Variants in KLHL29 observed in about 807,000 individuals in gnomAD.
KLHL29 encodes the protein kelch like family member 29.
KLHL29 carries 21 observed loss-of-function variants against 80.4 expected under a neutral mutation model. The observed-to-expected ratio is 0.26, with a 90% CI of 0.19 to 0.38. The LOEUF (loss-of-function observed/expected upper bound fraction) is 0.38. KLHL29 is among the 10% of genes least tolerant of loss of function. KLHL29 has a pLI of 1.00. For missense variants in KLHL29, 867 were observed against 1,223.9 expected, an observed-to-expected ratio of 0.71 and a Z score of 4.35; for synonymous variants, 511 against 526.8, an observed-to-expected ratio of 0.97 and a Z score of 0.41.
chr2:23,402,940 A>C (rs927753803), intron 1 of KLHL29, among the ~76,000 whole-genome samples: 2 of 150,260 alleles, frequency 1.3e-5, no homozygotes, highest in Non-Finnish European at 3.0e-5. Context: ...ATCATATATA[A>C]TCTTATATGT....
rs114481624 is a variant in KLHL29 at position 23,682,224 on chromosome 2, C to A, written c.941-2175C>A. ...CTTCTCACCTCTCCCTCGGAAAGAC[C>A]GTCACCATCAGCAGCACTGCACACT... On this transcript the variant is annotated intron_variant, in intron 5 of 13. Transcript: ENST00000486442. The surrounding 1 kb of genome is among the most constrained non-coding windows in gnomAD (Gnocchi z 4.1). Among the ~76,000 whole-genome samples the A allele has an allele frequency of 6.6e-6, 1 of 152,172 alleles. No individual in the cohort carries two copies. Among genetic ancestry groups the A allele is most frequent in the East Asian group, 1.9e-4 (1 of 5,190 alleles).
chr2:23,506,963 T>C, intron 2 of KLHL29: 1 of 220,632 alleles, frequency 4.5e-6, no homozygotes, highest in East Asian at 1.4e-4. Flanking sequence ...AGAAGAATGC[T>C]GAACTTATGC....
intron 5 of KLHL29, chr2:23,668,717 G>A (rs1013977025): frequency 1.3e-5 from 2 of 152,222 alleles, no homozygotes; most frequent in African/African-American, 4.8e-5. Flanking sequence ...CCCAGAGCTT[G>A]GTTTGCAGAC....
At chr2:23,432,791 G>A (rs1305097477) in intron 1 of KLHL29, among the ~76,000 whole-genome samples, 1 of 152,242 alleles carries the variant, frequency 6.6e-6, no homozygotes, top group Non-Finnish European at 1.5e-5. Flanking sequence ...AGAGCAGAGG[G>A]AGTCGGGGGC....
intron 1 of KLHL29, among the ~76,000 whole-genome samples, chr2:23,437,729 T>C (rs62126856): frequency 6.6e-6 from 1 of 152,114 alleles, no homozygotes; most frequent in Non-Finnish European, 1.5e-5. Context: ...AGTATAGTTT[T>C]AAGTCAGGTA....
rs577986269 is a variant in KLHL29 at position 23,581,198 on chromosome 2, C to T, written c.285+18717C>T. Reference sequence around the variant, plus strand: ...GTTCTTCTGAGGAAGTCAGACACCCCTTGCACCGTGGCATGGCTTGAGTAC... The same window carrying T: ...GTTCTTCTGAGGAAGTCAGACACCCTTTGCACCGTGGCATGGCTTGAGTAC... On this transcript the variant is annotated intron_variant, in intron 3 of 13. Coordinates refer to ENST00000486442, the MANE Select transcript of KLHL29 (RefSeq NM_052920.2). Among the ~76,000 whole-genome samples the T allele has an allele frequency of 1.5e-3, 228 of 152,206 alleles. 1 individual carries two copies. The highest frequency in any genetic ancestry group is 5.1e-3 in the African/African-American group (212 of 41,528).
intron 1 of KLHL29, among the ~76,000 whole-genome samples, chr2:23,450,183 C>T (rs1294064159): frequency 1.3e-5 from 2 of 151,934 alleles, no homozygotes; most frequent in Non-Finnish European, 2.9e-5. Context: ...ACGGCAGCAC[C>T]GGCCTTGTTG....
chr2:23,536,427 C>T (rs80069234), intron 2 of KLHL29, among the ~76,000 whole-genome samples: 1,725 of 152,278 alleles, frequency 0.011, 35 homozygotes, highest in African/African-American at 0.038. Context: ...GGGTACTTGT[C>T]GCAGCAGGGG....
chr2:23,591,325 G>C (rs183377235), intron 3 of KLHL29, among the ~76,000 whole-genome samples: 1 of 152,274 alleles, frequency 6.6e-6, no homozygotes, highest in East Asian at 1.9e-4. Flanking sequence ...GACACAGTCC[G>C]CAGGCTCCTG....
chr2:23,637,568 A>T (rs1246755099), intron 3 of KLHL29, among the ~76,000 whole-genome samples: 1 of 152,228 alleles, frequency 6.6e-6, no homozygotes, highest in African/African-American at 2.4e-5. Context: ...GTGCAGCCTG[A>T]TGCAATTAGC....
chr2:23,612,610 T>C (rs6720634), intron 3 of KLHL29, among the ~76,000 whole-genome samples: 62,127 of 151,846 alleles, frequency 0.41, 12,916 homozygotes, highest in East Asian at 0.65. Flanking sequence ...GTCATGGTGG[T>C]GAACGCCTGT....
intron 3 of KLHL29, among the ~76,000 whole-genome samples, chr2:23,633,756 C>CGTGTGTGTGTGTGTGTGTGT (rs1181808728): frequency 2.0e-5 from 3 of 147,240 alleles, no homozygotes; most frequent in Admixed American, 6.7e-5. Flanking sequence ...TCACAGCACT[C>CGTGTGTGTGTGTGTGTGTGT]GTGTGTGTGT....
intron 1 of KLHL29, among the ~76,000 whole-genome samples, chr2:23,394,662 C>T (rs138233045): frequency 3.3e-5 from 5 of 152,332 alleles, no homozygotes; most frequent in African/African-American, 1.2e-4. Flanking sequence ...ATATGTTTAG[C>T]CACATTGCTC....
Position 23,576,999 on chromosome 2 carries a change from C to T in KLHL29, c.285+14518C>T, listed in dbSNP as rs192736694. Among the ~76,000 whole-genome samples, 1,159 of 152,344 alleles carry T rather than the reference C, an allele frequency of 7.6e-3. 9 individuals are homozygous for T. Among genetic ancestry groups the T allele is most frequent in the Middle Eastern group, 0.024 (7 of 294 alleles). On this transcript the variant is annotated intron_variant, in intron 3 of 13. Coordinates refer to ENST00000486442, the MANE Select transcript of KLHL29 (RefSeq NM_052920.2). ...ACCACCCATCTTCAGGTGGGCTTTT[C>T]AGTCCTGCTGTCCTGTCCTGAAGGA... is the stretch of plus-strand genomic sequence containing the variant.
intron 1 of KLHL29, among the ~76,000 whole-genome samples, chr2:23,447,407 C>G (rs112253110): frequency 2.3e-4 from 35 of 152,334 alleles, no homozygotes; most frequent in African/African-American, 8.2e-4. Flanking sequence ...TAGCCCTGAG[C>G]TCTGCTGGTA....
chr2:23,706,329 C>T (rs1355733261), intron 13 of KLHL29, among the ~76,000 whole-genome samples, 152 bp from the exon 14 acceptor site: 1 of 151,710 alleles, frequency 6.6e-6, no homozygotes, highest in Admixed American at 6.6e-5. Flanking sequence ...CTTATGCCAG[C>T]CCAGGTTAGA....
At chr2:23,605,107 C>CTTTTTTTTTTTT (rs386389703) in intron 3 of KLHL29, among the ~76,000 whole-genome samples, 8 of 92,478 alleles carry the variant, frequency 8.7e-5, no homozygotes, top group Non-Finnish European at 1.2e-4. Context: ...TCCTTTGTTG[C>CTTTTTTTTTTTT]TTTTTTTTTT....
chr2:23,667,525 C>T (rs755124791), intron 5 of KLHL29: 37 of 152,562 alleles, frequency 2.4e-4, no homozygotes, highest in Non-Finnish European at 4.7e-4. Flanking sequence ...CCTCACTGCA[C>T]CTCTCCCAAA....
chr2:23,664,070 G>A (rs994175000), intron 5 of KLHL29, among the ~76,000 whole-genome samples: 2 of 152,144 alleles, frequency 1.3e-5, no homozygotes, highest in African/African-American at 4.8e-5. Context: ...ATTGTAATGC[G>A]GGACATTTTT....
Sources: allele counts gnomAD v4.1 joint callset (sites outside exome capture counted in the v4.1 genomes callset), GRCh38; gene constraint gnomAD v4.1.1; non-coding constraint Gnocchi (gnomAD v3.1); transcripts MANE v1.5; gene names NCBI Gene and HGNC (gene_info 2026-07-23, HGNC 2026-07-21).